Variants in HTR4 observed in about 807,000 individuals in gnomAD.
HTR4 encodes 5-hydroxytryptamine receptor 4.
A neutral mutation model predicts 36.8 loss-of-function variants in HTR4; 16 were observed. The observed-to-expected ratio is 0.43, with a 90% CI of 0.29 to 0.66. The LOEUF (loss-of-function observed/expected upper bound fraction) is 0.66, where lower values mean the gene tolerates loss of function less well. HTR4 is among the 30% of genes least tolerant of loss of function. HTR4 has a pLI of 0.13. For missense variants in HTR4, 438 were observed against 490.9 expected, an observed-to-expected ratio of 0.89 and a Z score of 1.02; for synonymous variants, 189 against 185.1, an observed-to-expected ratio of 1.02 and a Z score of -0.17.
chr5:148,553,612 T>C (rs1487761075), intron 2 of HTR4, among the ~76,000 whole-genome samples: 1 of 152,238 alleles, frequency 6.6e-6, no homozygotes, highest in Non-Finnish European at 1.5e-5. Flanking sequence ...TTCCCGGTGT[T>C]GTTTTGTGTT....
At chr5:148,520,823 G>C (rs993130786) in intron 5 of HTR4, 16 of 1,294,126 alleles carry the variant, frequency 1.2e-5, no homozygotes, top group Admixed American at 4.0e-5. Context: ...AAATAAATTG[G>C]ATAGGATTCA....
intron 2 of HTR4, among the ~76,000 whole-genome samples, chr5:148,633,366 T>C (rs193281918): frequency 6.7e-6 from 1 of 150,176 alleles, no homozygotes; most frequent in Admixed American, 6.7e-5. Context: ...ATTGTATGTA[T>C]CTTACTATTA....
intron 2 of HTR4, among the ~76,000 whole-genome samples, chr5:148,589,649 A>G (rs1046537029): frequency 2.0e-5 from 3 of 151,660 alleles, no homozygotes; most frequent in African/African-American, 7.3e-5. Flanking sequence ...GGCTTTTTTC[A>G]CTTTGTTTTG....
rs576163775 is a variant in HTR4, at chr5:148,546,465, C to T, written c.353+2203G>A. 1.2e-3 allele frequency among the ~76,000 whole-genome samples: 190 copies of T among 152,228 alleles called. 4 individuals carry two copies. Among genetic ancestry groups the T allele is most frequent in the Admixed American group, 6.5e-4 (10 of 15,298 alleles). On this transcript the variant is annotated intron_variant, in intron 4 of 6. Coordinates refer to ENST00000377888, the MANE Select transcript of HTR4 (RefSeq NM_000870.7). ...TCTAAAGCAGATGGTTCTTAATGACCAATTCATCCTGTTTCATGACAACTC... is the reference window on the plus strand; with the variant it reads ...TCTAAAGCAGATGGTTCTTAATGACTAATTCATCCTGTTTCATGACAACTC...
chr5:148,554,491 G>A (rs949987025), intron 2 of HTR4, among the ~76,000 whole-genome samples: 144 of 152,316 alleles, frequency 9.5e-4, no homozygotes, highest in African/African-American at 3.2e-3. Context: ...CCACTTACAT[G>A]AGGATTCTAG....
intron 2 of HTR4, among the ~76,000 whole-genome samples, chr5:148,616,424 C>T (rs1310727696): frequency 1.3e-5 from 2 of 152,132 alleles, no homozygotes; most frequent in African/African-American, 4.8e-5. Context: ...TCCTAATAGG[C>T]ATGCTTTTTC....
chr5:148,452,888 C>T (rs1048251048), intron 5 of HTR4, among the ~76,000 whole-genome samples: 3 of 152,196 alleles, frequency 2.0e-5, no homozygotes, highest in South Asian at 2.1e-4. Context: ...TATGCAAGAC[C>T]TTAGGGAAGC....
chr5:148,583,194 A>G lies in HTR4; in HGVS notation c.27-32932T>C, dbSNP rs571541760. Among the ~76,000 whole-genome samples, 1,088 of 148,164 alleles carry G rather than the reference A, an allele frequency of 7.3e-3. 11 individuals carry two copies. The highest frequency in any genetic ancestry group is 0.011 in the Non-Finnish European group (749 of 67,268). On this transcript the variant is annotated intron_variant, in intron 2 of 6. Transcript: ENST00000377888. ...CTTTTCTGCATCTGTTGAGATAATCATGTGGTTTTTGTCTTTGGTTCTGTT... is the reference window on the plus strand; with the variant it reads ...CTTTTCTGCATCTGTTGAGATAATCGTGTGGTTTTTGTCTTTGGTTCTGTT...
intron 2 of HTR4, among the ~76,000 whole-genome samples, chr5:148,635,012 AT>A (rs1156556756): frequency 1.3e-5 from 2 of 152,106 alleles, no homozygotes; most frequent in Non-Finnish European, 2.9e-5. Context: ...TACCCTTGTG[AT>A]TTTTTTAACA....
intron 1 of HTR4, among the ~76,000 whole-genome samples, chr5:148,643,161 A>G (rs922606247): frequency 2.0e-5 from 3 of 152,196 alleles, no homozygotes; most frequent in Admixed American, 6.5e-5. Flanking sequence ...TACAATTAGG[A>G]TGCAAAATGT....
chr5:148,633,136 AT>A (rs1191860856), intron 2 of HTR4, among the ~76,000 whole-genome samples: 2 of 152,184 alleles, frequency 1.3e-5, no homozygotes, highest in East Asian at 3.9e-4. Flanking sequence ...GGCTGACACT[AT>A]TTACCAAGGG....
At chr5:148,650,882 A>G (rs1272412947) in intron 1 of HTR4, among the ~76,000 whole-genome samples, 1 of 152,180 alleles carries the variant, frequency 6.6e-6, no homozygotes, top group East Asian at 1.9e-4. Context: ...TTGGATATAC[A>G]ACTGGGCTTG....
chr5:148,519,560 T>C (rs1227517951), intron 5 of HTR4, among the ~76,000 whole-genome samples: 2 of 152,208 alleles, frequency 1.3e-5, no homozygotes, highest in Non-Finnish European at 1.5e-5. Flanking sequence ...ATAGATTCCA[T>C]ATTTGTGAGT....
At chr5:148,575,577 A>G (rs904020269) in intron 2 of HTR4, among the ~76,000 whole-genome samples, 3 of 152,018 alleles carry the variant, frequency 2.0e-5, no homozygotes, top group Non-Finnish European at 2.9e-5. Flanking sequence ...TAGGCACAGA[A>G]CCTAAAGAAA....
intron 4 of HTR4, among the ~76,000 whole-genome samples, chr5:148,537,604 GA>G (rs1758888440): frequency 1.3e-5 from 2 of 151,880 alleles, no homozygotes; most frequent in Admixed American, 6.6e-5. Context: ...CTACTATAAA[GA>G]CCTCTATGCA....
At chr5:148,516,506 G>T (rs1201045432) in intron 5 of HTR4, among the ~76,000 whole-genome samples, 1 of 151,732 alleles carries the variant, frequency 6.6e-6, no homozygotes, top group East Asian at 1.9e-4. Context: ...TATTAGTAGA[G>T]ATGGGGTTTT....
chr5:148,451,375 T>G, intron 5 of HTR4: 2 of 1,572,986 alleles, frequency 1.3e-6, no homozygotes, highest in Non-Finnish European at 1.7e-6. Flanking sequence ...CTTTGCATAC[T>G]TCTGAGGGTA....
intron 6 of HTR4, 80 bp downstream of exon 6, chr5:148,509,376 T>C (rs1326919500): frequency 9.1e-7 from 1 of 1,102,982 alleles, no homozygotes; most frequent in Non-Finnish European, 1.3e-6. Context: ...GATAACCCCT[T>C]TGGAAACAGA....
At chr5:148,528,853 A>G (rs76549631) in intron 4 of HTR4, among the ~76,000 whole-genome samples, 1,605 of 152,140 alleles carry the variant, frequency 0.011, 24 homozygotes, top group Admixed American at 0.016. Context: ...GGCTGGTTTG[A>G]TAATAATAGC....
Sources: allele counts gnomAD v4.1 joint callset (sites outside exome capture counted in the v4.1 genomes callset), GRCh38; gene constraint gnomAD v4.1.1; transcripts MANE v1.5; gene names NCBI Gene and HGNC (gene_info 2026-07-23, HGNC 2026-07-21).